ICE1: variants seen among roughly 807,000 people sequenced by gnomAD.
ICE1 encodes interactor of little elongation complex ELL subunit 1.
ICE1 carries 64 observed loss-of-function variants against 192.7 expected under a neutral mutation model. The ratio of observed to expected loss-of-function variants is 0.33; its 90% confidence interval spans 0.27 to 0.41. The LOEUF (loss-of-function observed/expected upper bound fraction) is 0.41, where lower values mean the gene tolerates loss of function less well. Ranked by LOEUF, ICE1 falls within the 10% of genes least tolerant of loss-of-function variation. The probability of loss-of-function intolerance (pLI) is 1.00; values close to 1 mark genes in which losing one functional copy is unlikely to be tolerated. For missense variants in ICE1, 2,708 were observed against 2,696.0 expected, an observed-to-expected ratio of 1.00 and a Z score of -0.10; for synonymous variants, 1,010 against 984.5, an observed-to-expected ratio of 1.03 and a Z score of -0.49.
In ICE1 at chr5:5,460,543, T is replaced by C; in HGVS notation, c.1209T>C (p.Tyr403=). 6.2e-7 allele frequency: 1 copy of C among 1,611,944 alleles called. No homozygotes were observed. Among genetic ancestry groups the C allele is most frequent in the Non-Finnish European group, 8.5e-7 (1 of 1,178,838 alleles). ...SEDDTTESQN[Y]FGSLRKNKGS... Reference sequence around the variant, plus strand: ...ATGATACAACTGAATCACAGAATTATTTTGGCTCATTGAGAAAAAATAAAG... The same window carrying C: ...ATGATACAACTGAATCACAGAATTACTTTGGCTCATTGAGAAAAAATAAAG... The change falls in exon 13 of 19, where the codon TAT becomes TAC. Residue 403 remains tyrosine, a synonymous_variant. Transcript: ENST00000296564.
intron 14 of ICE1, among the ~76,000 whole-genome samples, chr5:5,467,872 C>T (rs138116548): frequency 1.2e-3 from 178 of 152,332 alleles, no homozygotes; most frequent in Admixed American, 2.5e-3. Context: ...GAAATTAAAA[C>T]ATTCATTTAT....
rs748596429 is a variant in ICE1, at chr5:5,461,744, A to C, written c.2410A>C (p.Ser804Arg). The change falls in exon 13 of 19, where the codon AGT becomes CGT. Residue 804 changes from serine to arginine, a missense_variant. Transcript: ENST00000296564. Reference sequence around the variant, plus strand: ...TTTATTAAGGAAAGGTGGCGAAGAAAGTCTGAGAGCCAAATCAGAACATGA... The same window carrying C: ...TTTATTAAGGAAAGGTGGCGAAGAACGTCTGAGAGCCAAATCAGAACATGA... ...SDLLRKGGEESLRAKSEHEQK... is the reference protein window; with the variant it reads ...SDLLRKGGEERLRAKSEHEQK... 6.2e-7 allele frequency: 1 copy of C among 1,613,796 alleles called. No individual in the cohort carries two copies. The highest frequency in any genetic ancestry group is 8.5e-7 in the Non-Finnish European group (1 of 1,179,794).
At chr5:5,429,163 C>T (rs768998109) in intron 1 of ICE1, among the ~76,000 whole-genome samples, 5 of 152,050 alleles carry the variant, frequency 3.3e-5, no homozygotes, top group Non-Finnish European at 7.4e-5. Context: ...TGTTATCTGC[C>T]GGGGAATCTC....
In ICE1 at chr5:5,422,877, C is replaced by G. The variant is rs1737349527; in HGVS notation, c.-39C>G. On this transcript the variant is annotated 5_prime_UTR_variant, in exon 1 of 19. Transcript: ENST00000296564. ...CAGGACGGGGCCGACGCCGCGGGCC[C>G]CTGAGGCGTGCGTGCCCACCGGGCC... 1 of 1,327,130 alleles carries G rather than the reference C, an allele frequency of 7.5e-7. No homozygotes were observed. Among genetic ancestry groups the G allele is most frequent in the Non-Finnish European group, 9.6e-7 (1 of 1,039,314 alleles). 82.2% of individuals were successfully genotyped at this position (1,327,130 alleles called of 1,614,324 possible).
chr5:5,450,679 A>G (rs1358122518), intron 10 of ICE1, among the ~76,000 whole-genome samples: 1 of 152,256 alleles, frequency 6.6e-6, no homozygotes, highest in Non-Finnish European at 1.5e-5. Context: ...AGAGGGATGG[A>G]TAAAAATATT....
In ICE1 at chr5:5,463,840, C is replaced by T. The variant is rs761153798; in HGVS notation, c.4506C>T (p.Ser1502=). ...PQEDVSSSGQ[S]TNFDKSRLRN... is the part of the protein sequence containing the mutation. ...AGGATGTTTCAAGCAGTGGTCAGAGCACCAACTTTGATAAGAGTCGTTTGC... is the reference window on the plus strand; with the variant it reads ...AGGATGTTTCAAGCAGTGGTCAGAGTACCAACTTTGATAAGAGTCGTTTGC... Residue 1502 remains serine (S), a synonymous_variant, in exon 13 of 19, where the codon AGC becomes AGT. Transcript: ENST00000296564. 3.7e-5 allele frequency: 60 copies of T among 1,613,824 alleles called. No homozygotes were observed. Among genetic ancestry groups the T allele is most frequent in the Non-Finnish European group, 4.5e-5 (53 of 1,179,880 alleles).
rs1738772427 is a variant in ICE1, at chr5:5,461,352, A to G, written c.2018A>G (p.His673Arg). Residue 673 changes from histidine to arginine, a missense_variant, in exon 13 of 19, where the codon CAT (histidine) becomes CGT (arginine). Physicochemically the swap from His to Arg is conservative, Grantham distance 29 (BLOSUM62 0). This residue lies in a region of ICE1 where 2,366 missense variants were observed against 2,276.6 expected (regional missense o/e 1.04). Transcript: ENST00000296564. ...VFSTEPHHSE[H>R]KLQTKTLNTL... The stretch of plus-strand genomic sequence containing the variant: ...TCTACTGAACCGCATCATTCAGAAC[A>G]TAAATTGCAAACTAAAACTTTAAAC... The G allele has an allele frequency of 6.2e-7, 1 of 1,613,820 alleles. No homozygotes were observed. Among genetic ancestry groups the G allele is most frequent in the Non-Finnish European group, 8.5e-7 (1 of 1,179,822 alleles).
intron 1 of ICE1, among the ~76,000 whole-genome samples, chr5:5,433,880 G>T (rs528770282): frequency 6.6e-6 from 1 of 151,822 alleles, no homozygotes; most frequent in African/African-American, 2.4e-5. Flanking sequence ...CAAGGGAAAG[G>T]CATCCTAGTA....
At chr5:5,469,815 CATCA>C (rs1739103565) in intron 15 of ICE1, among the ~76,000 whole-genome samples, 1 of 152,130 alleles carries the variant, frequency 6.6e-6, no homozygotes, top group Admixed American at 6.6e-5. Context: ...ATGATCTCTT[CATCA>C]ATCTATCTAG....
chr5:5,481,786 C>T (rs1473935090), intron 17 of ICE1, among the ~76,000 whole-genome samples: 1 of 152,174 alleles, frequency 6.6e-6, no homozygotes, highest in Non-Finnish European at 1.5e-5. Flanking sequence ...TTTAGATACA[C>T]AAATGCTTAC....
intron 1 of ICE1, among the ~76,000 whole-genome samples, chr5:5,427,333 T>TC (rs774390590): frequency 6.6e-6 from 1 of 152,204 alleles, no homozygotes; most frequent in East Asian, 1.9e-4. Context: ...CTCACTCTAG[T>TC]CATATTATGT....
intron 15 of ICE1, among the ~76,000 whole-genome samples, chr5:5,471,490 A>G (rs1739154023): frequency 6.6e-6 from 1 of 152,132 alleles, no homozygotes; most frequent in African/African-American, 2.4e-5. Flanking sequence ...AAAATGCTAT[A>G]AGAAAGAGAA....
chr5:5,434,286 A>T (rs774213557), intron 1 of ICE1, among the ~76,000 whole-genome samples: 2 of 152,196 alleles, frequency 1.3e-5, no homozygotes, highest in Non-Finnish European at 1.5e-5. Flanking sequence ...TATTACCCTT[A>T]CTATTCAATA....
chr5:5,456,353 C>T (rs1738579583), intron 11 of ICE1, among the ~76,000 whole-genome samples: 1 of 152,188 alleles, frequency 6.6e-6, no homozygotes, highest in Admixed American at 6.5e-5. Flanking sequence ...GCTATAATTA[C>T]TGCTTTAGTG....
chr5:5,464,879 C>T lies in ICE1; in HGVS notation c.5545C>T (p.Arg1849Cys), dbSNP rs753732735. 3.2e-5 allele frequency: 51 copies of T among 1,612,930 alleles called. 1 individual carries two copies. The highest frequency in any genetic ancestry group is 2.0e-4 in the South Asian group (18 of 90,882). ...TSTLRSAKRL[R>C]LDTGSPEPET... ...TACACTGAGAAGTGCTAAAAGACTGCGCCTGGACACTGGGTCCCCAGAACC... is the reference window on the plus strand; with the variant it reads ...TACACTGAGAAGTGCTAAAAGACTGTGCCTGGACACTGGGTCCCCAGAACC... The change falls in exon 13 of 19, where the codon CGC becomes TGC. Residue 1849 changes from arginine to cysteine, a missense_variant. Transcript: ENST00000296564. The surrounding 1 kb of genome is among the most constrained non-coding windows in gnomAD (Gnocchi z 4.0).
At position 5,462,525 on chromosome 5, in the gene ICE1, T is replaced by C; in HGVS notation, c.3191T>C (p.Phe1064Ser). ...TTPGGALPEC[F>S]GTTDTTFSSA... ...CCCGGTGGTGCTTTGCCTGAGTGTT[T>C]TGGCACCACAGACACTACTTTTTCT... is the stretch of plus-strand genomic sequence containing the variant. The change falls in exon 13 of 19, where the codon TTT (phenylalanine) becomes TCT (serine). Residue 1064 changes from phenylalanine to serine, a missense_variant. Coordinates refer to ENST00000296564, the MANE Select transcript of ICE1 (RefSeq NM_015325.3). The C allele has an allele frequency of 6.2e-7, 1 of 1,614,010 alleles. No homozygotes were observed. The highest frequency in any genetic ancestry group is 8.5e-7 in the Non-Finnish European group (1 of 1,179,884).
chr5:5,429,671 T>A (rs1323855486), intron 1 of ICE1, among the ~76,000 whole-genome samples: 1 of 152,246 alleles, frequency 6.6e-6, no homozygotes, highest in Non-Finnish European at 1.5e-5. Context: ...ATAACCATTT[T>A]CCTGGCTACA....
intron 1 of ICE1, among the ~76,000 whole-genome samples, chr5:5,429,622 A>C (rs187876626): frequency 6.6e-6 from 1 of 152,286 alleles, no homozygotes; most frequent in Non-Finnish European, 1.5e-5. Flanking sequence ...ATCTGTATTT[A>C]TTTGTTTGCT....
At position 5,461,118 on chromosome 5, in the gene ICE1, A is replaced by G; in HGVS notation, c.1784A>G (p.Glu595Gly). Reference sequence around the variant, plus strand: ...AGACTATCTAGAGAATTGGAAAAGGAAAAAGAAGATACTCAAGGGTTCACT... The same window carrying G: ...AGACTATCTAGAGAATTGGAAAAGGGAAAAGAAGATACTCAAGGGTTCACT... ...FHRLSRELEKEKEDTQGFTLG... is the reference protein window; with the variant it reads ...FHRLSRELEKGKEDTQGFTLG... Residue 595 changes from glutamate to glycine, a missense_variant, in exon 13 of 19, where the codon GAA (glutamate) becomes GGA (glycine). Physicochemically the swap from Glu to Gly is moderately conservative, Grantham distance 98. Coordinates refer to ENST00000296564, the MANE Select transcript of ICE1 (RefSeq NM_015325.3). The G allele has an allele frequency of 6.2e-7, 1 of 1,614,048 alleles. No individual in the cohort carries two copies. Among genetic ancestry groups the G allele is most frequent in the Non-Finnish European group, 8.5e-7 (1 of 1,179,890 alleles).
Sources: allele counts gnomAD v4.1 joint callset (sites outside exome capture counted in the v4.1 genomes callset), GRCh38; gene constraint gnomAD v4.1.1; regional missense constraint gnomAD v4.1.1; non-coding constraint Gnocchi (gnomAD v3.1); transcripts MANE v1.5; gene names NCBI Gene and HGNC (gene_info 2026-07-23, HGNC 2026-07-21).